Variants in ACTL6B observed in about 807,000 individuals in gnomAD.
ACTL6B encodes the protein actin like 6B.
A neutral mutation model predicts 63.3 loss-of-function variants in ACTL6B; 48 were observed. That is an observed-to-expected ratio of 0.76 (90% CI 0.60 to 0.96). The LOEUF (loss-of-function observed/expected upper bound fraction) is 0.96. Ranked by LOEUF, ACTL6B falls within the 50% of genes least tolerant of loss-of-function variation. The pLI is 0.00. For missense variants in ACTL6B, 350 were observed against 572.2 expected, an observed-to-expected ratio of 0.61 and a Z score of 3.96; for synonymous variants, 230 against 223.8, an observed-to-expected ratio of 1.03 and a Z score of -0.25.
chr7:100,650,418 C>T (rs370219381), intron 4 of ACTL6B, among the ~76,000 whole-genome samples: 18 of 151,816 alleles, frequency 1.2e-4, no homozygotes, highest in East Asian at 9.7e-4. Flanking sequence ...CATACACTCA[C>T]GGTCACACAT....
At chr7:100,644,460 TG>T (rs2131331707) in intron 13 of ACTL6B, among the ~76,000 whole-genome samples, 1 of 152,180 alleles carries the variant, frequency 6.6e-6, no homozygotes, top group East Asian at 1.9e-4. Flanking sequence ...CCAATTTTTT[TG>T]GGTTTTTTTT....
At chr7:100,654,954 G>A in intron 4 of ACTL6B, 65 bp downstream of exon 4, 1 of 1,367,212 alleles carries the variant, frequency 7.3e-7, no homozygotes, top group Non-Finnish European at 1.0e-6. Context: ...AGGAGGAGAG[G>A]TGGATGGTGG....
Position 100,655,719 on chromosome 7 carries a change from G to T in ACTL6B, c.102+84C>A. The T allele has an allele frequency of 6.6e-7, 1 of 1,512,290 alleles. No homozygotes were observed. The highest frequency in any genetic ancestry group is 1.2e-5 in the South Asian group (1 of 80,412). 93.7% of individuals were successfully genotyped at this position (1,512,290 alleles called of 1,614,324 possible). A position where few individuals can be genotyped will look rare whatever the true frequency, so the allele number is the denominator to read the frequency against. On this transcript the variant is annotated intron_variant, in intron 2 of 13. Coordinates refer to ENST00000160382, the MANE Select transcript of ACTL6B (RefSeq NM_016188.5). This position sits in a 1 kb window ranked among gnomAD's most constrained non-coding sequence, Gnocchi z 4.4. ...TTCCCGCTCAGCAGAGCTTCTGGGCGATCTGGGAGAGCCCTGGGTCACTGG... is the reference window on the plus strand; with the variant it reads ...TTCCCGCTCAGCAGAGCTTCTGGGCTATCTGGGAGAGCCCTGGGTCACTGG...
In ACTL6B at chr7:100,655,500, C is replaced by T. The variant is rs780923884; in HGVS notation, c.189G>A (p.Lys63=). The change falls in exon 3 of 14, where the codon AAG becomes AAA. Residue 63 remains lysine, a synonymous_variant. Coordinates refer to ENST00000160382, the MANE Select transcript of ACTL6B (RefSeq NM_016188.5). This position sits in a 1 kb window ranked among gnomAD's most constrained non-coding sequence, Gnocchi z 4.4. Reference sequence around the variant, plus strand: ...GGGCATTGGTGTCGATGTGGAAGATCTTCCCTTTCTTCTCTTTGTCCCCCT... The same window carrying T: ...GGGCATTGGTGTCGATGTGGAAGATTTTCCCTTTCTTCTCTTTGTCCCCCT... The part of the protein sequence containing the change: ...ELEGDKEKKG[K]IFHIDTNALH... 4 of 1,614,184 alleles carry T rather than the reference C, an allele frequency of 2.5e-6. No individual in the cohort carries two copies. Among genetic ancestry groups the T allele is most frequent in the East Asian group, 2.2e-5 (1 of 44,884 alleles).
intron 1 of ACTL6B, 120 bp downstream of exon 1, chr7:100,656,210 G>T: frequency 8.3e-7 from 1 of 1,206,294 alleles, no homozygotes. Context: ...GGAGACCCGA[G>T]CCTGAGACTC....
In ACTL6B at chr7:100,646,159, A is replaced by G. The variant is rs1245487868; in HGVS notation, c.1200+90T>C. 10 of 1,073,044 alleles carry G rather than the reference A, an allele frequency of 9.3e-6. No homozygotes were observed. Among genetic ancestry groups the G allele is most frequent in the Non-Finnish European group, 1.4e-5 (10 of 704,396 alleles). The allele number at this position is 1,073,044 out of a possible 1,614,324, so 66.5% of individuals were successfully genotyped here. On this transcript the variant is annotated intron_variant, in intron 13 of 13. Transcript: ENST00000160382. The surrounding 1 kb of genome is among the most constrained non-coding windows in gnomAD (Gnocchi z 6.1). ...AACTAAATGTTTGTTGAATGAATGA[A>G]TGAACGAAGAGGCAGTCAAAGTGGC...
intron 4 of ACTL6B, among the ~76,000 whole-genome samples, chr7:100,652,768 C>T (rs1269646448): frequency 6.6e-6 from 1 of 150,466 alleles, no homozygotes; most frequent in Non-Finnish European, 1.5e-5. Flanking sequence ...TTTGGGAGGC[C>T]AAGGTCGGTG....
In ACTL6B at chr7:100,656,369, T is replaced by G. The variant is rs771092378; in HGVS notation, c.-15A>C. On this transcript the variant is annotated 5_prime_UTR_variant, in exon 1 of 14. Coordinates refer to ENST00000160382, the MANE Select transcript of ACTL6B (RefSeq NM_016188.5). ...CCCCCGCTCATAGTGCCCGCTGCGC[T>G]GCTAGCGGCCCGTGGGCGGTGGCGG... 4.7e-5 allele frequency: 63 copies of G among 1,337,120 alleles called. No homozygotes were observed. The highest frequency in any genetic ancestry group is 6.0e-5 in the Non-Finnish European group (62 of 1,038,888). 82.8% of individuals were successfully genotyped at this position (1,337,120 alleles called of 1,614,324 possible).
At chr7:100,652,421 C>CAAAAAAAAAAAAAAAAAAACAAAAAA in intron 4 of ACTL6B, among the ~76,000 whole-genome samples, 1 of 94,948 alleles carries the variant, frequency 1.1e-5, no homozygotes. Flanking sequence ...GACTCCATCT[C>CAAAAAAAAAAAAAAAAAAACAAAAAA]AAAAAAAAAA....
In ACTL6B at chr7:100,647,856, T is replaced by A; in HGVS notation, c.670-323A>T. 1 of 312,166 alleles carries A rather than the reference T, an allele frequency of 3.2e-6. No individual in the cohort carries two copies. Among genetic ancestry groups the A allele is most frequent in the South Asian group, 9.6e-5 (1 of 10,416 alleles). 19.3% of individuals were successfully genotyped at this position (312,166 alleles called of 1,614,324 possible). On this transcript the variant is annotated intron_variant, in intron 7 of 13. Coordinates refer to ENST00000160382, the MANE Select transcript of ACTL6B (RefSeq NM_016188.5). The surrounding 1 kb of genome is among the most constrained non-coding windows in gnomAD (Gnocchi z 4.4). ...AATGGAGCTAAGCACACAGTGTCACTTCATACTCACAGCACCCTGGCTACT... is the reference window on the plus strand; with the variant it reads ...AATGGAGCTAAGCACACAGTGTCACATCATACTCACAGCACCCTGGCTACT...
Position 100,643,154 on chromosome 7 carries a change from G to T in ACTL6B, c.*92C>A. On this transcript the variant is annotated 3_prime_UTR_variant, in exon 14 of 14. Coordinates refer to ENST00000160382, the MANE Select transcript of ACTL6B (RefSeq NM_016188.5). ...ACCCAGAAACATCACCATTAATGAGGACAAGAGGGAAAGGAGGAGGGGGGC... is the reference window on the plus strand; with the variant it reads ...ACCCAGAAACATCACCATTAATGAGTACAAGAGGGAAAGGAGGAGGGGGGC... 7.8e-7 allele frequency: 1 copy of T among 1,282,266 alleles called. No homozygotes were observed. Among genetic ancestry groups the T allele is most frequent in the South Asian group, 1.2e-5 (1 of 83,078 alleles). 79.4% of individuals were successfully genotyped at this position (1,282,266 alleles called of 1,614,324 possible).
At chr7:100,645,802 T>C (rs1803809757) in intron 13 of ACTL6B, among the ~76,000 whole-genome samples, 1 of 152,056 alleles carries the variant, frequency 6.6e-6, no homozygotes, top group Non-Finnish European at 1.5e-5. Flanking sequence ...TGGCTAATTT[T>C]TGGATTTTTA....
chr7:100,651,278 C>T (rs541590799), intron 4 of ACTL6B, among the ~76,000 whole-genome samples: 88 of 152,092 alleles, frequency 5.8e-4, no homozygotes, highest in Non-Finnish European at 1.0e-3. Flanking sequence ...ATGCTGGGCG[C>T]GGTGGCTCAT....
Position 100,651,175 on chromosome 7 carries a change from G to T in ACTL6B, c.370-1040C>A, listed in dbSNP as rs1037596522. Among the ~76,000 whole-genome samples, 9 of 151,970 alleles carry T rather than the reference G, an allele frequency of 5.9e-5. No individual in the cohort carries two copies. In the East Asian group the frequency reaches 1.7e-3, roughly 29 times the overall value. On this transcript the variant is annotated intron_variant, in intron 4 of 13. Transcript: ENST00000160382. The stretch of plus-strand genomic sequence containing the variant: ...AGAATAATGATTTCTAACCTGGCAT[G>T]GGATACCTAGCTAAGCTATCAACTC...
In ACTL6B at chr7:100,646,445, G is replaced by C; in HGVS notation, c.1113+106C>G. On this transcript the variant is annotated intron_variant, in intron 12 of 13. Coordinates refer to ENST00000160382, the MANE Select transcript of ACTL6B (RefSeq NM_016188.5). This position sits in a 1 kb window ranked among gnomAD's most constrained non-coding sequence, Gnocchi z 6.1. ...GCCACAGGGGCAGGGGTTCTGCTCT[G>C]GTGGCCAGAACAGAAGGAAGGACAT... 1 of 1,545,644 alleles carries C rather than the reference G, an allele frequency of 6.5e-7. No homozygotes were observed. Among genetic ancestry groups the C allele is most frequent in the Non-Finnish European group, 8.9e-7 (1 of 1,121,400 alleles).
chr7:100,646,858 G>A lies in ACTL6B; in HGVS notation c.937-27C>T, dbSNP rs1442627261. ...TGCAGAGAGAGGTGACTGGGGCTGT[G>A]GGCTCTCTCCCCCTTCCCCCCAGAC... On this transcript the variant is annotated intron_variant, in intron 10 of 13. Transcript: ENST00000160382. This position sits in a 1 kb window ranked among gnomAD's most constrained non-coding sequence, Gnocchi z 6.1. 1.2e-6 allele frequency: 2 copies of A among 1,606,132 alleles called. No individual in the cohort carries two copies. Among genetic ancestry groups the A allele is most frequent in the Non-Finnish European group, 1.7e-6 (2 of 1,175,894 alleles).
chr7:100,645,714 C>T (rs986419473), intron 13 of ACTL6B, among the ~76,000 whole-genome samples: 2 of 151,748 alleles, frequency 1.3e-5, no homozygotes, highest in African/African-American at 4.8e-5. Context: ...TCACTGCAGT[C>T]TCCGTCTCCT....
At position 100,655,247 on chromosome 7, in the gene ACTL6B, C is replaced by A; in HGVS notation, c.269-128G>T. 1 of 1,183,566 alleles carries A rather than the reference C, an allele frequency of 8.4e-7. No individual in the cohort carries two copies. The highest frequency in any genetic ancestry group is 1.2e-6 in the Non-Finnish European group (1 of 826,334). 73.3% of individuals were successfully genotyped at this position (1,183,566 alleles called of 1,614,324 possible). A position where few individuals can be genotyped will look rare whatever the true frequency, so the allele number is the denominator to read the frequency against. ...AGTCCAGCTCCAGGGGAACGCCCCC[C>A]TTCCCAGAAACCTGGTGGGCCCCTG... On this transcript the variant is annotated intron_variant, in intron 3 of 13. Transcript: ENST00000160382. This position sits in a 1 kb window ranked among gnomAD's most constrained non-coding sequence, Gnocchi z 4.4.
At chr7:100,651,439 T>G (rs1263939525) in intron 4 of ACTL6B, among the ~76,000 whole-genome samples, 1 of 151,484 alleles carries the variant, frequency 6.6e-6, no homozygotes, top group Admixed American at 6.6e-5. Context: ...TAATCCCAGC[T>G]ACTTGGGATG....
Sources: allele counts gnomAD v4.1 joint callset (sites outside exome capture counted in the v4.1 genomes callset), GRCh38; gene constraint gnomAD v4.1.1; non-coding constraint Gnocchi (gnomAD v3.1); transcripts MANE v1.5; gene names NCBI Gene and HGNC (gene_info 2026-07-23, HGNC 2026-07-21).